SLC35F4: variants seen among roughly 807,000 people sequenced by gnomAD.
The protein encoded by SLC35F4 is solute carrier family 35 member F4.
A neutral mutation model predicts 44.2 loss-of-function variants in SLC35F4; 24 were observed. The observed-to-expected ratio is 0.54, with a 90% CI of 0.39 to 0.76. The LOEUF is 0.76. SLC35F4 is among the 30% of genes least tolerant of loss of function. The pLI, the probability that SLC35F4 is intolerant of heterozygous loss-of-function variation, is 0.00. For missense variants in SLC35F4, 562 were observed against 586.1 expected (o/e 0.96, Z 0.42); for synonymous variants, 238 against 223.6 (o/e 1.06, Z -0.57).
At chr14:57,620,651 C>T (rs935169855) in intron 1 of SLC35F4, among the ~76,000 whole-genome samples, 59 of 152,244 alleles carry the variant, frequency 3.9e-4, no homozygotes, top group African/African-American at 1.2e-3. Flanking sequence ...ATGGTATTGG[C>T]TGTGGGTTTG....
intron 1 of SLC35F4, among the ~76,000 whole-genome samples, chr14:57,679,547 C>T (rs184577585): frequency 5.9e-5 from 9 of 151,510 alleles, no homozygotes; most frequent in East Asian, 3.9e-4. Flanking sequence ...AAGGAGAGAG[C>T]GACACAAAAG....
intron 1 of SLC35F4, chr14:57,596,474 C>T (rs1339395111): frequency 3.1e-6 from 1 of 321,956 alleles, no homozygotes; most frequent in East Asian, 8.3e-5. Flanking sequence ...GTGGCTGATG[C>T]TCAGATACTC....
intron 1 of SLC35F4, among the ~76,000 whole-genome samples, chr14:57,894,245 A>C (rs1465258911): frequency 1.3e-5 from 2 of 152,138 alleles, no homozygotes; most frequent in African/African-American, 4.8e-5. Flanking sequence ...ATTGAGTAAA[A>C]AGAGCCTTGA....
upstream of SLC35F4, among the ~76,000 whole-genome samples, chr14:57,869,667 A>G (rs867072304): frequency 8.5e-5 from 13 of 152,222 alleles, no homozygotes; most frequent in African/African-American, 3.1e-4. Flanking sequence ...TCAAGGGCCA[A>G]TGTTACTTTG....
chr14:57,605,151 C>A (rs559174657), intron 1 of SLC35F4, among the ~76,000 whole-genome samples: 1 of 152,078 alleles, frequency 6.6e-6, no homozygotes. Flanking sequence ...GAAAGAAAAC[C>A]TATTAAGGGA....
chr14:57,739,297 C>T (rs1250211359), intron 1 of SLC35F4, among the ~76,000 whole-genome samples: 1 of 152,180 alleles, frequency 6.6e-6, no homozygotes, highest in Non-Finnish European at 1.5e-5. Context: ...CACTCCAGGA[C>T]TCAGGCATTC....
chr14:57,802,179 C>T (rs975677236), intron 1 of SLC35F4, among the ~76,000 whole-genome samples: 2 of 152,116 alleles, frequency 1.3e-5, no homozygotes, highest in Non-Finnish European at 2.9e-5. Flanking sequence ...AAGAAATTCA[C>T]TCAAAATCAC....
intron 1 of SLC35F4, among the ~76,000 whole-genome samples, chr14:57,920,694 C>T (rs1280187687): frequency 3.3e-5 from 5 of 152,198 alleles, no homozygotes; most frequent in African/African-American, 1.2e-4. Context: ...GCAGCCTTGG[C>T]TCTCAGGTCA....
chr14:57,959,109 T>G (rs7151884), intron 1 of SLC35F4, among the ~76,000 whole-genome samples: 34,597 of 152,118 alleles, frequency 0.23, 4,268 homozygotes, highest in East Asian at 0.35. Flanking sequence ...TATTGACCAC[T>G]TACTGCATGC....
At chr14:57,871,076 G>A (rs564187053), upstream of SLC35F4, among the ~76,000 whole-genome samples, 59 of 152,334 alleles carry the variant, frequency 3.9e-4, no homozygotes, top group African/African-American at 1.4e-3. Flanking sequence ...TTGGTGAAGT[G>A]GAGCAGCCTC....
At chr14:57,783,359 C>T (rs1219014274) in intron 1 of SLC35F4, among the ~76,000 whole-genome samples, 2 of 151,732 alleles carry the variant, frequency 1.3e-5, no homozygotes. Context: ...GGATAACTGT[C>T]TGAACACGTT....
At chr14:57,611,458 C>T (rs1482502348) in intron 1 of SLC35F4, among the ~76,000 whole-genome samples, 1 of 151,954 alleles carries the variant, frequency 6.6e-6, no homozygotes, top group East Asian at 1.9e-4. Flanking sequence ...AGGATGAACA[C>T]CCCGGGGAAC....
intron 1 of SLC35F4, among the ~76,000 whole-genome samples, chr14:57,681,607 A>T (rs528345594): frequency 6.6e-6 from 1 of 152,234 alleles, no homozygotes; most frequent in South Asian, 2.1e-4. Context: ...AGACTTCATG[A>T]CTAAAACACC....
chr14:57,637,389 G>A (rs1049402983), intron 1 of SLC35F4, among the ~76,000 whole-genome samples: 3 of 152,124 alleles, frequency 2.0e-5, no homozygotes, highest in African/African-American at 7.2e-5. Flanking sequence ...GTCAGAAAGT[G>A]TCTCCTAACC....
chr14:57,581,264 C>G lies in SLC35F4; in HGVS notation c.757G>C (p.Val253Leu), dbSNP rs763647152. The change falls in exon 4 of 8, where the codon GTC (valine) becomes CTC (leucine). Residue 253 changes from valine (V) to leucine (L), a missense_variant. By Grantham distance (32) the Val-to-Leu change is conservative. Coordinates refer to ENST00000556826, the MANE Select transcript of SLC35F4 (RefSeq NM_001306087.2). The stretch of plus-strand genomic sequence containing the variant: ...AGCACAATCCATGACAGCAAGAAGA[C>G]AAAGGCTTTGTTACAACAGAACAGA... Reference protein sequence around the residue: ...SALFCCNKAFVFLLSWIVLKD... With the variant: ...SALFCCNKAFLFLLSWIVLKD... 3 of 1,608,678 alleles carry G rather than the reference C, an allele frequency of 1.9e-6. No individual in the cohort carries two copies. Among genetic ancestry groups the G allele is most frequent in the Non-Finnish European group, 1.7e-6 (2 of 1,177,930 alleles).
Position 57,606,310 on chromosome 14 carries a change from T to C in SLC35F4, c.104-12186A>G, listed in dbSNP as rs1338134978. On this transcript the variant is annotated intron_variant, in intron 1 of 7. Transcript: ENST00000556826. ...AAGACTGCAAGACTACTTTGCTTTC[T>C]ATAATACTTATATATTTCTCCAAAA... is the stretch of plus-strand genomic sequence containing the variant. 2.0e-5 allele frequency among the ~76,000 whole-genome samples: 3 copies of C among 149,110 alleles called. No individual in the cohort carries two copies. In the East Asian group the frequency reaches 5.8e-4, roughly 29 times the overall value.
intron 1 of SLC35F4, among the ~76,000 whole-genome samples, chr14:57,680,427 G>A (rs974916595): frequency 2.2e-4 from 34 of 152,016 alleles, no homozygotes; most frequent in Non-Finnish European, 8.8e-5. Context: ...ATACTGAATC[G>A]GCAAAAGCTG....
At chr14:57,592,725 A>G (rs923793531) in intron 2 of SLC35F4, among the ~76,000 whole-genome samples, 4 of 152,126 alleles carry the variant, frequency 2.6e-5, no homozygotes, top group African/African-American at 9.7e-5. Flanking sequence ...AATGAGTAGG[A>G]CCCTAGACGA....
At chr14:57,649,612 A>C (rs896305050) in intron 1 of SLC35F4, among the ~76,000 whole-genome samples, 1 of 152,152 alleles carries the variant, frequency 6.6e-6, no homozygotes, top group Non-Finnish European at 1.5e-5. Flanking sequence ...AGGGGATTCC[A>C]ATGTGGCATC....
Sources: allele counts gnomAD v4.1 joint callset (sites outside exome capture counted in the v4.1 genomes callset), GRCh38; gene constraint gnomAD v4.1.1; transcripts MANE v1.5; gene names NCBI Gene and HGNC (gene_info 2026-07-23, HGNC 2026-07-21).